Variants in NDST1 observed in about 807,000 individuals in gnomAD.
The protein encoded by NDST1 is N-deacetylase and N-sulfotransferase 1.
A neutral mutation model predicts 92.8 loss-of-function variants in NDST1; 35 were observed. The ratio of observed to expected loss-of-function variants is 0.38; its 90% CI spans 0.29 to 0.50. The LOEUF (loss-of-function observed/expected upper bound fraction) is 0.50, where lower values mean the gene tolerates loss of function less well. Among genes scored for constraint, NDST1 ranks in the 20% least tolerant of loss-of-function variants. The probability of loss-of-function intolerance (pLI) is 0.94; values close to 1 mark genes in which losing one functional copy is unlikely to be tolerated. For synonymous variants in NDST1, 493 were observed against 500.3 expected (o/e 0.99, Z 0.19); for missense variants, 822 against 1,182.7 (o/e 0.69, Z 4.47).
chr5:150,503,319 A>G (rs1362781448), upstream of NDST1, among the ~76,000 whole-genome samples: 16 of 152,170 alleles, frequency 1.1e-4, no homozygotes, highest in Admixed American at 1.0e-3. Flanking sequence ...GCACACACCT[A>G]TAATCCCAGC....
Position 150,555,784 on chromosome 5 carries a change from C to T in NDST1, c.*2452C>T, listed in dbSNP as rs1453136565. On this transcript the variant is annotated 3_prime_UTR_variant, in exon 15 of 15. Transcript: ENST00000261797. ...CTGGCCTAGGGCAGGAGCTCCACTT[C>T]TCTCTGCCTCTGGCTATGGGAAGGA... 6.6e-6 allele frequency: 1 copy of T among 152,294 alleles called. No individual in the cohort carries two copies. The highest frequency in any genetic ancestry group is 2.4e-5 in the African/African-American group (1 of 41,472). 9.4% of individuals were successfully genotyped at this position (152,294 alleles called of 1,614,324 possible).
At chr5:150,541,479 T>C in intron 8 of NDST1, 91 bp from the exon 9 acceptor site, 1 of 1,108,038 alleles carries the variant, frequency 9.0e-7, no homozygotes, top group South Asian at 1.3e-5. Flanking sequence ...ATCATGCCCA[T>C]TGGGCTGTAA....
chr5:150,518,722 CCTT>C (rs1447974280), intron 1 of NDST1: 2 of 151,978 alleles, frequency 1.3e-5, no homozygotes, highest in Non-Finnish European at 1.5e-5. Context: ...CAGTACATGT[CCTT>C]CTCCAACATA....
rs768860349 is a variant in NDST1, at chr5:150,528,224, C to T, written c.934C>T (p.Arg312Cys). 2.6e-5 allele frequency: 42 copies of T among 1,613,708 alleles called. No homozygotes were observed. The highest frequency in any genetic ancestry group is 3.1e-5 in the Non-Finnish European group (36 of 1,179,760). Residue 312 changes from arginine (R) to cysteine (C), a missense_variant, in exon 3 of 15, where the codon CGC (arginine) becomes TGC (cysteine). Coordinates refer to ENST00000261797, the MANE Select transcript of NDST1 (RefSeq NM_001543.5). ...GAAGCGCCTCTCCCTGCCATTGGACCGCTACATCCTGGTGGACATTGATGA... is the reference window on the plus strand; with the variant it reads ...GAAGCGCCTCTCCCTGCCATTGGACTGCTACATCCTGGTGGACATTGATGA... Reference protein sequence around the residue: ...TGKRLSLPLDRYILVDIDDIF... With the variant: ...TGKRLSLPLDCYILVDIDDIF...
chr5:150,540,673 G>A (rs571393217), intron 8 of NDST1, among the ~76,000 whole-genome samples: 6 of 152,018 alleles, frequency 3.9e-5, no homozygotes, highest in African/African-American at 9.7e-5. Flanking sequence ...AAAATTAGCC[G>A]GGCATGATGG....
At chr5:150,547,406 C>T (rs752036058) in intron 11 of NDST1, among the ~76,000 whole-genome samples, 8 of 152,168 alleles carry the variant, frequency 5.3e-5, no homozygotes, top group Admixed American at 1.3e-4. Flanking sequence ...GGGTTGGCGG[C>T]TGGGGGATAG....
In NDST1 at chr5:150,521,006, G is replaced by A; in HGVS notation, c.-249G>A. ...TCTGCTCTGCACAGGACCACGCGGG[G>A]GTTTGCCATGGTGACATAAAGGGGC... On this transcript the variant is annotated 5_prime_UTR_variant, in exon 2 of 15. Coordinates refer to ENST00000261797, the MANE Select transcript of NDST1 (RefSeq NM_001543.5). This position sits in a 1 kb window ranked among gnomAD's most constrained non-coding sequence, Gnocchi z 5.9. 1 of 596,348 alleles carries A rather than the reference G, an allele frequency of 1.7e-6. No individual in the cohort carries two copies. Among genetic ancestry groups the A allele is most frequent in the Non-Finnish European group, 3.0e-6 (1 of 335,220 alleles). 36.9% of individuals were successfully genotyped at this position (596,348 alleles called of 1,614,324 possible).
At chr5:150,528,581 A>AGAC (rs1754576306) in intron 3 of NDST1, among the ~76,000 whole-genome samples, 1 of 152,152 alleles carries the variant, frequency 6.6e-6, no homozygotes, top group Admixed American at 6.5e-5. Context: ...ACTTGAGGTC[A>AGAC]GGAGTTTGAG....
Position 150,540,076 on chromosome 5 carries a change from G to A in NDST1, c.1567-6G>A. The A allele has an allele frequency of 1.2e-6, 2 of 1,614,130 alleles. No individual in the cohort carries two copies. Among genetic ancestry groups the A allele is most frequent in the Non-Finnish European group, 1.7e-6 (2 of 1,180,020 alleles). ...CCTGCCTCTCTCCTCCCCTCCCCTG[G>A]AGCAGATCAGCATCTTCATGACGCA... On this transcript the variant is annotated splice_polypyrimidine_tract_variant and splice_region_variant and intron_variant, in intron 7 of 14. Coordinates refer to ENST00000261797, the MANE Select transcript of NDST1 (RefSeq NM_001543.5).
chr5:150,502,140 T>G (rs1753260229), intron 1 of NDST1, among the ~76,000 whole-genome samples: 1 of 152,032 alleles, frequency 6.6e-6, no homozygotes, highest in African/African-American at 2.4e-5. Context: ...GGGCCCGATG[T>G]GAGGACTGAC....
chr5:150,502,715 G>A (rs1753290048), intron 1 of NDST1, among the ~76,000 whole-genome samples: 1 of 152,110 alleles, frequency 6.6e-6, no homozygotes, highest in Admixed American at 6.5e-5. Flanking sequence ...CGAGGAAAAA[G>A]GCAGATTCTG....
In NDST1 at chr5:150,542,905, C is replaced by T. The variant is rs1270890209; in HGVS notation, c.1904C>T (p.Pro635Leu). Reference sequence around the variant, plus strand: ...CACCCTGACCTAAGCAGCAACTACCCCAGCTCTGAGACCTTTGAGGAGATC... The same window carrying T: ...CACCCTGACCTAAGCAGCAACTACCTCAGCTCTGAGACCTTTGAGGAGATC... ...GMHPDLSSNY[P>L]SSETFEEIQF... Residue 635 changes from proline (P) to leucine (L), a missense_variant, in exon 10 of 15, where the codon CCC becomes CTC. By Grantham distance (98) the Pro-to-Leu change is moderately conservative. Coordinates refer to ENST00000261797, the MANE Select transcript of NDST1 (RefSeq NM_001543.5). 1 of 1,614,182 alleles carries T rather than the reference C, an allele frequency of 6.2e-7. No homozygotes were observed. The highest frequency in any genetic ancestry group is 1.7e-5 in the Admixed American group (1 of 60,026).
intron 1 of NDST1, among the ~76,000 whole-genome samples, chr5:150,519,329 C>T (rs1188918368): frequency 6.6e-6 from 1 of 152,202 alleles, no homozygotes. Context: ...TGAATTCCCC[C>T]CTGGCCTCTT....
At position 150,554,335 on chromosome 5, in the gene NDST1, TTATA is replaced by T. The variant is rs55954668; in HGVS notation, c.*1024_*1027del. The T allele has an allele frequency of 2.5e-4, 34 of 138,322 alleles. No individual in the cohort carries two copies. The highest frequency in any genetic ancestry group is 3.9e-4 in the Non-Finnish European group (26 of 66,518). The allele number at this position is 138,322 out of a possible 1,614,324, so 8.6% of individuals were successfully genotyped here. On this transcript the variant is annotated 3_prime_UTR_variant, in exon 15 of 15. Transcript: ENST00000261797. ...CCCTGGGTGCTGGGGTCGCACTGTGTTATATATATATATATATATATATAATGTG... is the reference window on the plus strand; with the variant it reads ...CCCTGGGTGCTGGGGTCGCACTGTGTTATATATATATATATATATAATGTG...
At chr5:150,516,976 AGTGTGTGTGTGTGTGTGTGTGTGTGT>A (rs56170880) in intron 1 of NDST1, among the ~76,000 whole-genome samples, 8 of 143,674 alleles carry the variant, frequency 5.6e-5, no homozygotes, top group Non-Finnish European at 1.2e-4. Context: ...GACATTTTCT[AGTGTGTGTGTGTGTGTGTGTGTGTGT>A]GTGTGTGTGT....
At chr5:150,546,243 G>A (rs1008266608) in intron 11 of NDST1, among the ~76,000 whole-genome samples, 3 of 152,004 alleles carry the variant, frequency 2.0e-5, no homozygotes, top group African/African-American at 4.8e-5. Context: ...TGATCTTCCC[G>A]CCTCGGCCTC....
At chr5:150,498,076 T>C (rs1753071777) in exon 1 of NDST1, 1 of 152,678 alleles carries the variant, frequency 6.5e-6, no homozygotes. Flanking sequence ...CCCTGTGGAG[T>C]GCTGACGGGG....
At chr5:150,511,230 C>T (rs139898016) in intron 1 of NDST1, among the ~76,000 whole-genome samples, 21 of 152,280 alleles carry the variant, frequency 1.4e-4, no homozygotes, top group Non-Finnish European at 2.2e-4. Context: ...GGAGATGCCG[C>T]GTAGCAGATT....
At chr5:150,541,501 C>A in intron 8 of NDST1, 69 bp from the exon 9 acceptor site, 1 of 1,347,946 alleles carries the variant, frequency 7.4e-7, no homozygotes, top group Non-Finnish European at 1.1e-6. Flanking sequence ...GGCCACATAT[C>A]CATGTGCAGT....
Sources: gnomAD v4.1 joint callset for allele counts (sites outside exome capture counted in the v4.1 genomes callset) on GRCh38, gnomAD v4.1.1 for gene constraint, Gnocchi (gnomAD v3.1) non-coding constraint, MANE v1.5 for transcripts, NCBI Gene and HGNC (gene_info 2026-07-23, HGNC 2026-07-21) for gene names.